The following BCKDHB variants were observed in gnomAD, a reference collection of about 807,000 sequenced individuals.
The protein encoded by BCKDHB is branched chain keto acid dehydrogenase E1 subunit beta, also known as 2-oxoisovalerate dehydrogenase subunit beta, mitochondrial.
BCKDHB carries 41 observed loss-of-function variants against 48.5 expected under a neutral mutation model. The observed-to-expected ratio is 0.85, with a 90% CI of 0.66 to 1.10. BCKDHB has a LOEUF of 1.10. Among genes scored for constraint, BCKDHB ranks in the 50% least tolerant of loss-of-function variants. BCKDHB has a pLI of 0.00. For synonymous variants in BCKDHB, 201 were observed against 174.8 expected (o/e 1.15, Z -1.18); for missense variants, 496 against 494.2 (o/e 1.00, Z -0.03).
At chr6:80,218,484 G>A (rs892457104) in intron 8 of BCKDHB, among the ~76,000 whole-genome samples, 1 of 151,940 alleles carries the variant, frequency 6.6e-6, no homozygotes, top group Non-Finnish European at 1.5e-5. Flanking sequence ...TGTAACTTTT[G>A]ATTTATAAAT....
intron 9 of BCKDHB, among the ~76,000 whole-genome samples, chr6:80,278,431 G>C (rs576906927): frequency 3.3e-4 from 50 of 152,202 alleles, no homozygotes; most frequent in African/African-American, 1.1e-3. Context: ...TTGTGGATTG[G>C]GCTGCTTCAT....
intron 8 of BCKDHB, among the ~76,000 whole-genome samples, chr6:80,223,338 T>C (rs1285094497): frequency 6.6e-6 from 1 of 152,172 alleles, no homozygotes; most frequent in Non-Finnish European, 1.5e-5. Context: ...TGTTGGTTTC[T>C]TTCTAAAAGC....
At chr6:80,270,467 A>G (rs1022530322) in intron 8 of BCKDHB, among the ~76,000 whole-genome samples, 3 of 151,838 alleles carry the variant, frequency 2.0e-5, no homozygotes, top group Non-Finnish European at 4.4e-5. Context: ...TTGCTGCACT[A>G]TTTTTGTTCC....
the BCKDHB span, among the ~76,000 whole-genome samples, chr6:80,444,442 G>T: frequency 2.6e-5 from 4 of 152,076 alleles, no homozygotes; most frequent in Admixed American, 2.0e-4. Flanking sequence ...TGTAGTTCTG[G>T]TTTGCCTAAC....
At chr6:80,198,316 C>T (rs1304323082) in intron 6 of BCKDHB, among the ~76,000 whole-genome samples, 3 of 152,168 alleles carry the variant, frequency 2.0e-5, no homozygotes, top group Non-Finnish European at 4.4e-5. Context: ...TTGGGAGCTA[C>T]ACAAAAACTT....
chr6:80,367,743 T>C, the BCKDHB span, among the ~76,000 whole-genome samples: 3 of 152,224 alleles, frequency 2.0e-5, no homozygotes, highest in African/African-American at 7.2e-5. Context: ...CTGGTACTCA[T>C]ATTGAGTCTT....
At chr6:80,219,702 T>A (rs1775326137) in intron 8 of BCKDHB, among the ~76,000 whole-genome samples, 1 of 152,232 alleles carries the variant, frequency 6.6e-6, no homozygotes, top group Non-Finnish European at 1.5e-5. Flanking sequence ...GCAAAGGGCA[T>A]ATTGGGTGCA....
chr6:80,273,800 C>G (rs894254419), intron 9 of BCKDHB, among the ~76,000 whole-genome samples: 1 of 151,668 alleles, frequency 6.6e-6, no homozygotes. Flanking sequence ...CATTAAGATG[C>G]CACATATCAG....
chr6:80,384,862 G>A, the BCKDHB span, among the ~76,000 whole-genome samples: 1 of 152,108 alleles, frequency 6.6e-6, no homozygotes, highest in Non-Finnish European at 1.5e-5. Context: ...TATTAAGGAT[G>A]GACTTCTTTT....
At chr6:80,252,113 C>T (rs1472329618) in intron 8 of BCKDHB, among the ~76,000 whole-genome samples, 2 of 152,078 alleles carry the variant, frequency 1.3e-5, no homozygotes, top group African/African-American at 2.4e-5. Flanking sequence ...TTTTTATAGG[C>T]GAAGAAGCTG....
intron 8 of BCKDHB, among the ~76,000 whole-genome samples, chr6:80,247,503 A>C (rs1776664842): frequency 6.6e-6 from 1 of 152,244 alleles, no homozygotes; most frequent in Admixed American, 6.5e-5. Context: ...CAGGTGAGCT[A>C]ACATTAGATG....
intron 1 of BCKDHB, among the ~76,000 whole-genome samples, chr6:80,123,286 T>A (rs957725772): frequency 2.6e-5 from 4 of 152,174 alleles, no homozygotes; most frequent in Non-Finnish European, 4.4e-5. Context: ...GTGATGTACA[T>A]CCTCAGCTTA....
chr6:80,409,178 G>T, the BCKDHB span, among the ~76,000 whole-genome samples: 1 of 151,800 alleles, frequency 6.6e-6, no homozygotes, highest in African/African-American at 2.4e-5. Context: ...TGTAGTTGTA[G>T]TTGTGTGGTT....
At chr6:80,318,436 TA>T (rs1213256077) in intron 9 of BCKDHB, among the ~76,000 whole-genome samples, 2 of 152,008 alleles carry the variant, frequency 1.3e-5, no homozygotes, top group African/African-American at 4.8e-5. Flanking sequence ...TCTGTAATCC[TA>T]GCACTTTGGG....
At chr6:80,292,917 G>C (rs534914409) in intron 9 of BCKDHB, among the ~76,000 whole-genome samples, 1 of 152,306 alleles carries the variant, frequency 6.6e-6, no homozygotes, top group East Asian at 1.9e-4. Context: ...GCTCCAAAAT[G>C]ATCTTCTTTG....
At chr6:80,445,313 T>C in the BCKDHB span, among the ~76,000 whole-genome samples, 1 of 152,212 alleles carries the variant, frequency 6.6e-6, no homozygotes, top group Non-Finnish European at 1.5e-5. Flanking sequence ...AATATTTAAC[T>C]ACCTGTACAT....
At chr6:80,407,901 A>G in the BCKDHB span, among the ~76,000 whole-genome samples, 1 of 152,006 alleles carries the variant, frequency 6.6e-6, no homozygotes, top group Admixed American at 6.6e-5. Flanking sequence ...GTTGAATAGG[A>G]GTGTTGAGAG....
At chr6:80,135,604 A>G (rs1050648672) in intron 3 of BCKDHB, among the ~76,000 whole-genome samples, 2 of 152,192 alleles carry the variant, frequency 1.3e-5, no homozygotes, top group Non-Finnish European at 2.9e-5. Flanking sequence ...CTAGATGAAC[A>G]TGTTTAATAT....
intron 8 of BCKDHB, among the ~76,000 whole-genome samples, chr6:80,203,636 G>A (rs1345461705): frequency 2.0e-5 from 3 of 151,958 alleles, no homozygotes; most frequent in African/African-American, 7.2e-5. Context: ...TAATGGGGAT[G>A]GATTTTTTAA....
Sources: allele counts gnomAD v4.1 joint callset (sites outside exome capture counted in the v4.1 genomes callset), GRCh38; gene constraint gnomAD v4.1.1; transcripts MANE v1.5; gene names NCBI Gene and HGNC (gene_info 2026-07-23, HGNC 2026-07-21).